Variants in THSD7B observed in about 807,000 individuals in gnomAD.
THSD7B encodes thrombospondin type-1 domain-containing protein 7B.
THSD7B carries 138 observed loss-of-function variants against 213.6 expected under a neutral mutation model. That is an observed-to-expected ratio of 0.65 (90% CI 0.56 to 0.74). THSD7B has a LOEUF of 0.74. THSD7B is among the 30% of genes least tolerant of loss of function. The probability of loss-of-function intolerance (pLI) is 0.00; values close to 1 mark genes in which losing one functional copy is unlikely to be tolerated. For missense variants in THSD7B, 1,931 were observed against 1,991.5 expected (o/e 0.97, Z 0.58); for synonymous variants, 742 against 687.0 (o/e 1.08, Z -1.25).
At chr2:137,472,358 T>C (rs185122408) in intron 15 of THSD7B, among the ~76,000 whole-genome samples, 2 of 152,342 alleles carry the variant, frequency 1.3e-5, no homozygotes, top group Non-Finnish European at 2.9e-5. Flanking sequence ...CTTTTACTTA[T>C]ATAGCTTCTA....
chr2:137,312,213 C>T (rs1683932850), intron 12 of THSD7B, among the ~76,000 whole-genome samples: 1 of 152,312 alleles, frequency 6.6e-6, no homozygotes, highest in Non-Finnish European at 1.5e-5. Context: ...AGAGATTCAA[C>T]TTCTTCCTGG....
At chr2:137,636,855 T>G (rs903984616) in intron 20 of THSD7B, among the ~76,000 whole-genome samples, 6 of 152,206 alleles carry the variant, frequency 3.9e-5, no homozygotes, top group African/African-American at 1.4e-4. Context: ...TTTTTAACTT[T>G]CTGTGTTTTT....
chr2:137,258,118 A>G (rs1682349427), intron 10 of THSD7B, among the ~76,000 whole-genome samples: 1 of 152,182 alleles, frequency 6.6e-6, no homozygotes, highest in Admixed American at 6.5e-5. Context: ...CATGTAGTAA[A>G]ATTATCCCCA....
chr2:137,505,050 G>A (rs1679803865), intron 15 of THSD7B, among the ~76,000 whole-genome samples: 1 of 151,826 alleles, frequency 6.6e-6, no homozygotes, highest in African/African-American at 2.4e-5. Flanking sequence ...AGGAGGGAGG[G>A]AGGGAGGAGC....
chr2:136,840,085 T>A (rs1485107982), intron 1 of THSD7B, among the ~76,000 whole-genome samples: 2 of 151,554 alleles, frequency 1.3e-5, no homozygotes, highest in Non-Finnish European at 2.9e-5. Context: ...TGCAAAAGAG[T>A]ATCAAAAAAG....
intron 1 of THSD7B, among the ~76,000 whole-genome samples, chr2:136,800,236 G>C (rs1682151391): frequency 6.6e-6 from 1 of 151,846 alleles, no homozygotes; most frequent in Non-Finnish European, 1.5e-5. Context: ...ATTTTGTACA[G>C]TCATTATATT....
intron 17 of THSD7B, among the ~76,000 whole-genome samples, chr2:137,605,750 C>T (rs536686274): frequency 2.2e-4 from 30 of 135,538 alleles, no homozygotes; most frequent in Non-Finnish European, 4.0e-4. Context: ...CTCACTGCAA[C>T]TTCCGCATCC....
At chr2:137,372,897 T>C (rs1443386997) in intron 12 of THSD7B, among the ~76,000 whole-genome samples, 1 of 139,184 alleles carries the variant, frequency 7.2e-6, no homozygotes, top group African/African-American at 2.7e-5. Context: ...CCTTCCTGTG[T>C]CCATGTGTTC....
chr2:137,437,881 G>A (rs1687325999), intron 14 of THSD7B, among the ~76,000 whole-genome samples: 1 of 152,028 alleles, frequency 6.6e-6, no homozygotes, highest in Non-Finnish European at 1.5e-5. Context: ...AAATTCACAT[G>A]AGCACTCTAC....
At chr2:136,979,271 G>A (rs1039358276) in intron 2 of THSD7B, among the ~76,000 whole-genome samples, 2 of 151,654 alleles carry the variant, frequency 1.3e-5, no homozygotes, top group Admixed American at 6.6e-5. Flanking sequence ...TATCTGTCTT[G>A]GAGTTGATCT....
chr2:137,139,409 G>A (rs1450722769), intron 5 of THSD7B, among the ~76,000 whole-genome samples: 1 of 152,142 alleles, frequency 6.6e-6, no homozygotes, highest in Non-Finnish European at 1.5e-5. Flanking sequence ...ACATTTCTGA[G>A]GCAATTTGGA....
At chr2:137,302,005 C>A (rs1683616626) in intron 12 of THSD7B, among the ~76,000 whole-genome samples, 1 of 152,068 alleles carries the variant, frequency 6.6e-6, no homozygotes, top group Non-Finnish European at 1.5e-5. Context: ...GCTGCTAGAA[C>A]CATCCAGGGG....
At position 137,533,544 on chromosome 2, in the gene THSD7B, CTTTG is replaced by C. The variant is rs1325694600; in HGVS notation, c.3139-29669_3139-29666del. Among the ~76,000 whole-genome samples, 4 of 151,912 alleles carry C rather than the reference CTTTG, an allele frequency of 2.6e-5. No homozygotes were observed. The South Asian group carries it at 6.2e-4, about 24-fold the overall frequency. On this transcript the variant is annotated intron_variant, in intron 15 of 27. Transcript: ENST00000409968. Reference sequence around the variant, plus strand: ...TTGTTATTATTGTTTTGTTGTTTTGCTTTGTTTGTTTTAGATCTTCCATTCTTAC... The same window carrying C: ...TTGTTATTATTGTTTTGTTGTTTTGCTTTGTTTTAGATCTTCCATTCTTAC...
chr2:137,024,111 G>A (rs1157039223), intron 2 of THSD7B, among the ~76,000 whole-genome samples: 1 of 152,108 alleles, frequency 6.6e-6, no homozygotes, highest in Admixed American at 6.6e-5. Context: ...TTTTACAGAT[G>A]TCTTTAACAC....
At chr2:137,037,285 C>G (rs1212986412) in intron 2 of THSD7B, among the ~76,000 whole-genome samples, 2 of 152,080 alleles carry the variant, frequency 1.3e-5, no homozygotes, top group Non-Finnish European at 2.9e-5. Flanking sequence ...ACTATTCCAA[C>G]TCTGAATATT....
At chr2:137,230,468 C>T (rs1466623339) in intron 7 of THSD7B, among the ~76,000 whole-genome samples, 1 of 152,142 alleles carries the variant, frequency 6.6e-6, no homozygotes, top group Non-Finnish European at 1.5e-5. Context: ...GGGAGAACTT[C>T]AGACTGGCTG....
At chr2:137,506,654 A>G (rs1218437211) in intron 15 of THSD7B, among the ~76,000 whole-genome samples, 1 of 152,166 alleles carries the variant, frequency 6.6e-6, no homozygotes, top group African/African-American at 2.4e-5. Context: ...ACCACACAAA[A>G]TGCTTCAGAG....
intron 20 of THSD7B, among the ~76,000 whole-genome samples, chr2:137,631,788 G>A (rs902808107): frequency 3.9e-5 from 6 of 152,126 alleles, no homozygotes; most frequent in South Asian, 2.1e-4. Context: ...CAAGAAACTC[G>A]ACGATCTGTG....
In THSD7B at chr2:137,450,753, G is replaced by GA. The variant is rs1687632678; in HGVS notation, c.2960-86dup. On this transcript the variant is annotated intron_variant, in intron 14 of 27. Transcript: ENST00000409968. ...TTGAAGCCACTACAGCAATATTGTTGAAAAAATCCAAACTGTGATCATGGA... is the reference window on the plus strand; with the variant it reads ...TTGAAGCCACTACAGCAATATTGTTGAAAAAAATCCAAACTGTGATCATGGA... 1.3e-5 allele frequency: 14 copies of GA among 1,055,020 alleles called. No homozygotes were observed. In the South Asian group the frequency reaches 2.7e-4, roughly 20 times the overall value. The allele number at this position is 1,055,020 out of a possible 1,614,324, so 65.4% of individuals were successfully genotyped here. A position where few individuals can be genotyped will look rare whatever the true frequency, so the allele number is the denominator to read the frequency against.
Sources: allele counts gnomAD v4.1 joint callset (sites outside exome capture counted in the v4.1 genomes callset), GRCh38; gene constraint gnomAD v4.1.1; transcripts MANE v1.5; gene names NCBI Gene and HGNC (gene_info 2026-07-23, HGNC 2026-07-21).